Variants in PHACTR1 observed in about 807,000 individuals in gnomAD.
The protein encoded by PHACTR1 is RPEL repeat containing 1.
A neutral mutation model predicts 69.2 loss-of-function variants in PHACTR1; 16 were observed. The observed-to-expected ratio is 0.23, with a 90% confidence interval of 0.16 to 0.35. The LOEUF (loss-of-function observed/expected upper bound fraction) is 0.35. PHACTR1 is among the 10% of genes least tolerant of loss of function. The pLI is 1.00. For missense variants in PHACTR1, 510 were observed against 734.7 expected (o/e 0.69, Z 3.54); for synonymous variants, 312 against 284.5 (o/e 1.10, Z -0.97).
At chr6:12,807,565 T>C (rs1774488055) in intron 4 of PHACTR1, among the ~76,000 whole-genome samples, 1 of 152,204 alleles carries the variant, frequency 6.6e-6, no homozygotes, top group Admixed American at 6.5e-5. Context: ...TTTCAGATAT[T>C]TTAGTTTGTC....
chr6:12,926,913 CTT>C (rs944869805), intron 4 of PHACTR1, among the ~76,000 whole-genome samples: 1 of 152,236 alleles, frequency 6.6e-6, no homozygotes, highest in African/African-American at 2.4e-5. Context: ...GTCACCAAGT[CTT>C]TTCATGCCTC....
At chr6:13,284,993 C>T (rs145603249) in intron 13 of PHACTR1, among the ~76,000 whole-genome samples, 1 of 152,248 alleles carries the variant, frequency 6.6e-6, no homozygotes, top group East Asian at 1.9e-4. Flanking sequence ...ATTGCCATGC[C>T]CCTGACAGAC....
chr6:12,948,830 G>A (rs1790953809), intron 4 of PHACTR1, among the ~76,000 whole-genome samples: 1 of 152,136 alleles, frequency 6.6e-6, no homozygotes, highest in Non-Finnish European at 1.5e-5. Flanking sequence ...TGACAATTTA[G>A]TGATATATTA....
intron 4 of PHACTR1, among the ~76,000 whole-genome samples, chr6:12,869,673 A>G (rs1781828810): frequency 6.6e-6 from 1 of 152,130 alleles, no homozygotes; most frequent in African/African-American, 2.4e-5. Flanking sequence ...ACTCTGCCTG[A>G]ATGTCCTTCA....
At chr6:12,749,901 C>A in intron 4 of PHACTR1, 111 bp downstream of exon 4, 1 of 1,049,286 alleles carries the variant, frequency 9.5e-7, no homozygotes, top group Non-Finnish European at 1.3e-6. Context: ...CGCAGTCGGG[C>A]GCTCAGCACT....
intron 6 of PHACTR1, among the ~76,000 whole-genome samples, chr6:13,163,687 A>G (rs931322343): frequency 1.3e-5 from 2 of 152,122 alleles, no homozygotes; most frequent in African/African-American, 4.8e-5. Context: ...TACAGTTAGG[A>G]GCATGAGCCC....
At chr6:12,885,198 G>C (rs1281267166) in intron 4 of PHACTR1, among the ~76,000 whole-genome samples, 3 of 152,146 alleles carry the variant, frequency 2.0e-5, no homozygotes, top group African/African-American at 7.2e-5. Flanking sequence ...GCCTTGCGTC[G>C]GACCTAGACC....
intron 6 of PHACTR1, among the ~76,000 whole-genome samples, chr6:13,181,181 C>T (rs1150610): frequency 0.16 from 23,381 of 147,826 alleles, 1,875 homozygotes; most frequent in East Asian, 0.23. Context: ...CAGATATTCA[C>T]TGGACGGACT....
intron 4 of PHACTR1, among the ~76,000 whole-genome samples, chr6:12,876,818 T>C (rs1019915305): frequency 6.6e-6 from 1 of 152,146 alleles, no homozygotes; most frequent in African/African-American, 2.4e-5. Context: ...AGAAGTCCCA[T>C]AATTTGCATC....
chr6:12,910,378 C>T (rs930784661), intron 4 of PHACTR1, among the ~76,000 whole-genome samples: 1 of 152,106 alleles, frequency 6.6e-6, no homozygotes, highest in Non-Finnish European at 1.5e-5. Context: ...CAAGCATAAT[C>T]GTAGGAGGAT....
intron 4 of PHACTR1, among the ~76,000 whole-genome samples, chr6:12,976,230 C>T (rs1447455896): frequency 3.9e-5 from 6 of 152,204 alleles, no homozygotes; most frequent in Admixed American, 2.0e-4. Flanking sequence ...AGAGGTGGTG[C>T]GTGAGCAGCA....
chr6:12,762,560 C>T (rs1768138523), intron 4 of PHACTR1, among the ~76,000 whole-genome samples: 2 of 152,062 alleles, frequency 1.3e-5, no homozygotes, highest in Admixed American at 6.6e-5. Flanking sequence ...TTCTTTTAAC[C>T]TATCACGTAA....
intron 4 of PHACTR1, among the ~76,000 whole-genome samples, chr6:12,782,434 G>A (rs1770961601): frequency 6.6e-6 from 1 of 152,108 alleles, no homozygotes; most frequent in South Asian, 2.1e-4. Context: ...GTATTCACAG[G>A]GACAAGCTGT....
intron 7 of PHACTR1, among the ~76,000 whole-genome samples, chr6:13,187,897 A>G (rs1763022236): frequency 6.6e-6 from 1 of 152,226 alleles, no homozygotes; most frequent in Non-Finnish European, 1.5e-5. Context: ...GAGTCAGCAG[A>G]ATTTCTTAAC....
At chr6:12,763,486 G>A (rs918343059) in intron 4 of PHACTR1, among the ~76,000 whole-genome samples, 3 of 152,074 alleles carry the variant, frequency 2.0e-5, no homozygotes, top group East Asian at 1.9e-4. Flanking sequence ...CCAATTATAC[G>A]AACAATTCAG....
At chr6:12,991,684 T>G (rs1796834624) in intron 4 of PHACTR1, among the ~76,000 whole-genome samples, 2 of 152,152 alleles carry the variant, frequency 1.3e-5, no homozygotes, top group Admixed American at 1.3e-4. Flanking sequence ...AGGACCACTA[T>G]TGACAGAGGC....
intron 4 of PHACTR1, among the ~76,000 whole-genome samples, chr6:12,771,444 T>C (rs1258719444): frequency 6.6e-6 from 1 of 152,092 alleles, no homozygotes; most frequent in Admixed American, 6.6e-5. Context: ...TTGTGAAGGA[T>C]TCAAGCAGGC....
chr6:12,952,483 C>T (rs536264126), intron 4 of PHACTR1, among the ~76,000 whole-genome samples: 3 of 152,202 alleles, frequency 2.0e-5, no homozygotes, highest in African/African-American at 7.2e-5. Flanking sequence ...CAGTGTGTGG[C>T]CTTTCCAGGC....
intron 5 of PHACTR1, among the ~76,000 whole-genome samples, chr6:13,126,047 GA>G (rs1282737670): frequency 6.6e-6 from 1 of 152,102 alleles, no homozygotes; most frequent in Non-Finnish European, 1.5e-5. Flanking sequence ...TTGATATTAA[GA>G]ATTTAATAAT....
Sources: gnomAD v4.1 joint callset for allele counts (sites outside exome capture counted in the v4.1 genomes callset) on GRCh38, gnomAD v4.1.1 for gene constraint, MANE v1.5 for transcripts, NCBI Gene and HGNC (gene_info 2026-07-23, HGNC 2026-07-21) for gene names.